KIAA0825: variants seen among roughly 807,000 people sequenced by gnomAD.
KIAA0825 encodes the protein uncharacterized protein KIAA0825.
A neutral mutation model predicts 147.6 loss-of-function variants in KIAA0825; 119 were observed. The ratio of observed to expected loss-of-function variants is 0.81; its 90% confidence interval spans 0.69 to 0.94. KIAA0825 has a LOEUF of 0.94. KIAA0825 is among the 40% of genes least tolerant of loss of function. KIAA0825 has a pLI of 0.00. For synonymous variants in KIAA0825, 470 were observed against 518.1 expected (o/e 0.91, Z 1.26); for missense variants, 1,381 against 1,472.7 (o/e 0.94, Z 1.02).
intron 20 of KIAA0825, among the ~76,000 whole-genome samples, chr5:94,279,380 T>C (rs1440008742): frequency 2.0e-5 from 3 of 152,078 alleles, no homozygotes; most frequent in Non-Finnish European, 4.4e-5. Flanking sequence ...AGACAATCTA[T>C]TGAAACCCAG....
At chr5:94,526,258 C>T (rs1326340247) in intron 3 of KIAA0825, among the ~76,000 whole-genome samples, 1 of 151,900 alleles carries the variant, frequency 6.6e-6, no homozygotes, top group East Asian at 1.9e-4. Context: ...AGATGCTACA[C>T]ATTATTCAGG....
At chr5:94,220,620 C>G (rs1040710953) in intron 20 of KIAA0825, among the ~76,000 whole-genome samples, 1 of 152,070 alleles carries the variant, frequency 6.6e-6, no homozygotes, top group African/African-American at 2.4e-5. Flanking sequence ...TTTTCAGCTC[C>G]ATTATAATCT....
intron 20 of KIAA0825, among the ~76,000 whole-genome samples, chr5:94,163,404 T>C (rs1394110842): frequency 6.6e-6 from 1 of 152,196 alleles, no homozygotes; most frequent in African/African-American, 2.4e-5. Context: ...CGACTTTCTT[T>C]ACCACCACTT....
chr5:94,292,523 G>A lies in KIAA0825; in HGVS notation c.3710+91845C>T, dbSNP rs191592909. On this transcript the variant is annotated intron_variant, in intron 20 of 20. Transcript: ENST00000682413. ...ATTCAGTTTGCAAGTATTTTATTGA[G>A]GATTTTATTGAGGATTTATTGAGGT... is the stretch of plus-strand genomic sequence containing the variant. Among the ~76,000 whole-genome samples, 4 of 152,180 alleles carry A rather than the reference G, an allele frequency of 2.6e-5. No individual in the cohort carries two copies. In the East Asian group the frequency reaches 7.7e-4, roughly 29 times the overall value.
At chr5:94,472,507 A>G (rs1406559108) in intron 8 of KIAA0825, among the ~76,000 whole-genome samples, 1 of 152,208 alleles carries the variant, frequency 6.6e-6, no homozygotes, top group Non-Finnish European at 1.5e-5. Flanking sequence ...GCACTTCAGG[A>G]GGCTGAGGCG....
intron 20 of KIAA0825, among the ~76,000 whole-genome samples, chr5:94,332,189 T>C (rs2150294237): frequency 7.0e-6 from 1 of 143,636 alleles, no homozygotes; most frequent in South Asian, 2.2e-4. Flanking sequence ...GAAAAGAAAA[T>C]CAGAAATAGA....
rs1458011593 is a variant in KIAA0825 at position 94,586,862 on chromosome 5, T to G, written c.-152-4279A>C. Among the ~76,000 whole-genome samples the G allele has an allele frequency of 2.0e-5, 3 of 152,154 alleles. No individual in the cohort carries two copies. The East Asian group carries it at 5.8e-4, about 29-fold the overall frequency. On this transcript the variant is annotated intron_variant, in intron 1 of 20. Coordinates refer to ENST00000682413, the MANE Select transcript of KIAA0825 (RefSeq NM_001145678.3). ...ATCCAACATGATCAAGTCACCTTCA[T>G]CCCTGGAATGCAAGGCTGGTTCAAC...
At chr5:94,471,444 T>A (rs1761208178) in intron 9 of KIAA0825, 22 bp downstream of exon 9, 1 of 1,548,182 alleles carries the variant, frequency 6.5e-7, no homozygotes, top group Non-Finnish European at 8.7e-7. Context: ...GTGGCCATCA[T>A]CTTAATTTAA....
intron 20 of KIAA0825, among the ~76,000 whole-genome samples, chr5:94,331,152 A>AAG (rs551890110): frequency 6.6e-6 from 1 of 151,410 alleles, no homozygotes; most frequent in Non-Finnish European, 1.5e-5. Context: ...AAAAGAAAGA[A>AAG]AGAGAGAGAG....
chr5:94,550,803 C>A (rs1316910119), intron 2 of KIAA0825, among the ~76,000 whole-genome samples: 1 of 150,518 alleles, frequency 6.6e-6, no homozygotes, highest in Non-Finnish European at 1.5e-5. Context: ...GATCGCACCA[C>A]TGCACTCCAG....
intron 20 of KIAA0825, among the ~76,000 whole-genome samples, chr5:94,367,484 G>A (rs1746034787): frequency 6.6e-6 from 1 of 152,026 alleles, no homozygotes; most frequent in Admixed American, 6.6e-5. Flanking sequence ...GGCAACAAGA[G>A]CGACACTCGA....
At chr5:94,185,901 A>G (rs949706262) in intron 20 of KIAA0825, among the ~76,000 whole-genome samples, 1 of 152,212 alleles carries the variant, frequency 6.6e-6, no homozygotes, top group Admixed American at 6.5e-5. Flanking sequence ...AATAATAGCT[A>G]CCATAACATT....
chr5:94,401,317 T>C (rs1029370319), intron 16 of KIAA0825, among the ~76,000 whole-genome samples: 1 of 152,024 alleles, frequency 6.6e-6, no homozygotes, highest in Admixed American at 6.6e-5. Context: ...ATATTAAGAA[T>C]AGAAACAAGT....
At chr5:94,380,893 G>C (rs937976531) in intron 20 of KIAA0825, among the ~76,000 whole-genome samples, 4 of 152,232 alleles carry the variant, frequency 2.6e-5, no homozygotes, top group Non-Finnish European at 5.9e-5. Flanking sequence ...GCTGCTTCAA[G>C]ATTTGTTCTG....
chr5:94,262,508 T>G (rs1165316817), intron 20 of KIAA0825, among the ~76,000 whole-genome samples: 4 of 152,152 alleles, frequency 2.6e-5, no homozygotes, highest in African/African-American at 7.2e-5. Context: ...CTTTTACATT[T>G]TAGTAAAAAT....
intron 2 of KIAA0825, among the ~76,000 whole-genome samples, chr5:94,574,543 C>CAAAATAAAAAAAAAA (rs1780615127): frequency 1.5e-5 from 1 of 65,530 alleles, no homozygotes; most frequent in Non-Finnish European, 2.6e-5. Flanking sequence ...GACTCCATCT[C>CAAAATAAAAAAAAAA]AAAAAAAAAA....
At chr5:94,504,800 C>T (rs529341993) in intron 5 of KIAA0825, among the ~76,000 whole-genome samples, 18 of 143,142 alleles carry the variant, frequency 1.3e-4, no homozygotes, top group African/African-American at 3.9e-4. Context: ...CAGGCTAGAG[C>T]GCAGTGGCGT....
chr5:94,609,604 C>G (rs1290263505), intron 1 of KIAA0825, among the ~76,000 whole-genome samples: 1 of 152,002 alleles, frequency 6.6e-6, no homozygotes, highest in African/African-American at 2.4e-5. Context: ...AAGATAATTA[C>G]CAAGTAAAGT....
chr5:94,506,876 C>T (rs979730125), intron 5 of KIAA0825, among the ~76,000 whole-genome samples: 19 of 152,186 alleles, frequency 1.2e-4, no homozygotes, highest in Non-Finnish European at 2.4e-4. Flanking sequence ...AGTTTCAGTA[C>T]AAATTTATGA....
Sources: gnomAD v4.1 joint callset for allele counts (sites outside exome capture counted in the v4.1 genomes callset) on GRCh38, gnomAD v4.1.1 for gene constraint, MANE v1.5 for transcripts, NCBI Gene and HGNC (gene_info 2026-07-23, HGNC 2026-07-21) for gene names.